GALNT15: variants seen among roughly 807,000 people sequenced by gnomAD.
GALNT15 encodes UDP-GalNAc transferase T15.
GALNT15 carries 67 observed loss-of-function variants against 66.8 expected under a neutral mutation model. The observed-to-expected ratio is 1.00, with a 90% confidence interval of 0.82 to 1.23. The LOEUF is 1.23. Among genes scored for constraint, GALNT15 ranks in the 50% most tolerant of loss-of-function variants. GALNT15 has a pLI of 0.00. For missense variants in GALNT15, 827 were observed against 804.3 expected, an observed-to-expected ratio of 1.03 and a Z score of -0.34; for synonymous variants, 313 against 311.5, an observed-to-expected ratio of 1.00 and a Z score of -0.05.
chr3:16,226,383 A>T (rs974594201), intron 9 of GALNT15, among the ~76,000 whole-genome samples: 1 of 150,844 alleles, frequency 6.6e-6, no homozygotes, highest in Non-Finnish European at 1.5e-5. Flanking sequence ...GACATACCTG[A>T]GACTGGGTAG....
Position 16,203,683 on chromosome 3 carries a change from C to A in GALNT15, c.911+2860C>A, listed in dbSNP as rs948594855. 1.4e-4 allele frequency among the ~76,000 whole-genome samples: 21 copies of A among 152,012 alleles called. No individual in the cohort carries two copies. The highest frequency in any genetic ancestry group is 1.2e-3 in the Admixed American group (18 of 15,254). ...TGACCACATTTTCATCATCTCTACA[C>A]CTCATTCATGGCTTCTTGTCCACTG... On this transcript the variant is annotated intron_variant, in intron 3 of 9. Transcript: ENST00000339732. The surrounding 1 kb of genome is among the most constrained non-coding windows in gnomAD (Gnocchi z 6.2).
At chr3:16,197,839 A>G (rs924263206) in intron 2 of GALNT15, among the ~76,000 whole-genome samples, 1 of 152,080 alleles carries the variant, frequency 6.6e-6, no homozygotes, top group South Asian at 2.1e-4. Flanking sequence ...GCACTATACC[A>G]CTCAGACATG....
Position 16,204,816 on chromosome 3 carries a change from A to T in GALNT15, c.912-3687A>T, listed in dbSNP as rs1400361405. Reference sequence around the variant, plus strand: ...GAAGCAATGTGGGGCAGGGAGAAGAACACCTCCCACTCTGCCCTTTGAAGG... The same window carrying T: ...GAAGCAATGTGGGGCAGGGAGAAGATCACCTCCCACTCTGCCCTTTGAAGG... On this transcript the variant is annotated intron_variant, in intron 3 of 9. Coordinates refer to ENST00000339732, the MANE Select transcript of GALNT15 (RefSeq NM_054110.5). This position sits in a 1 kb window ranked among gnomAD's most constrained non-coding sequence, Gnocchi z 4.5. Among the ~76,000 whole-genome samples, 1 of 152,224 alleles carries T rather than the reference A, an allele frequency of 6.6e-6. No homozygotes were observed. The highest frequency in any genetic ancestry group is 1.5e-5 in the Non-Finnish European group (1 of 68,032).
chr3:16,205,236 A>G (rs1310008907), intron 3 of GALNT15, among the ~76,000 whole-genome samples: 1 of 152,236 alleles, frequency 6.6e-6, no homozygotes, highest in Admixed American at 6.5e-5. Flanking sequence ...AAGAATACGC[A>G]TGAACTTTCA....
At chr3:16,244,648 C>T in the GALNT15 span, among the ~76,000 whole-genome samples, 2 of 152,184 alleles carry the variant, frequency 1.3e-5, no homozygotes, top group African/African-American at 4.8e-5. Flanking sequence ...GCAGCCTCAC[C>T]ATCGGCATGT....
intron 1 of GALNT15, among the ~76,000 whole-genome samples, chr3:16,190,081 C>T (rs567650818): frequency 3.7e-4 from 56 of 152,270 alleles, no homozygotes; most frequent in African/African-American, 1.3e-3. Flanking sequence ...GCAGTTTGGC[C>T]GCTTTCAGGG....
chr3:16,197,201 T>C (rs1417828122), intron 2 of GALNT15, among the ~76,000 whole-genome samples: 2 of 151,840 alleles, frequency 1.3e-5, no homozygotes, highest in Non-Finnish European at 1.5e-5. Flanking sequence ...CCCTCGGGAG[T>C]ACGGAAAGTG....
chr3:16,244,968 C>T, the GALNT15 span, among the ~76,000 whole-genome samples: 1 of 152,130 alleles, frequency 6.6e-6, no homozygotes, highest in African/African-American at 2.4e-5. Context: ...GAGCCCTGTG[C>T]TAAGTGTCTT....
intron 3 of GALNT15, among the ~76,000 whole-genome samples, chr3:16,207,989 C>T (rs1214009443): frequency 6.6e-6 from 1 of 152,114 alleles, no homozygotes; most frequent in Non-Finnish European, 1.5e-5. Context: ...TTACATAGTT[C>T]ATTAGTAGCA....
chr3:16,181,541 C>T lies in GALNT15; in HGVS notation c.539+5851C>T, dbSNP rs192004655. 3.8e-4 allele frequency among the ~76,000 whole-genome samples: 58 copies of T among 152,152 alleles called. No homozygotes were observed. Among genetic ancestry groups the T allele is most frequent in the Non-Finnish European group, 1.0e-4 (7 of 68,006 alleles). On this transcript the variant is annotated intron_variant, in intron 1 of 9. Transcript: ENST00000339732. The surrounding 1 kb of genome is among the most constrained non-coding windows in gnomAD (Gnocchi z 5.9). ...GTAGAAGATGGTGTTGCAATCCACG[C>T]GGGGTCCACTCAGTTCCCTGTGAAG...
Position 16,223,974 on chromosome 3 carries a change from T to C in GALNT15, c.1773+1216T>C, listed in dbSNP as rs566585004. 1.8e-4 allele frequency among the ~76,000 whole-genome samples: 28 copies of C among 152,344 alleles called. No homozygotes were observed. In the East Asian group the frequency reaches 3.1e-3, roughly 17 times the overall value. On this transcript the variant is annotated intron_variant, in intron 9 of 9. Coordinates refer to ENST00000339732, the MANE Select transcript of GALNT15 (RefSeq NM_054110.5). ...TCACAAATTGCCGGGATTACAGTTGTCAGCCACCATGTCTGGCCTCAAAGA... is the reference window on the plus strand; with the variant it reads ...TCACAAATTGCCGGGATTACAGTTGCCAGCCACCATGTCTGGCCTCAAAGA...
rs2064039175 is a variant in GALNT15 at position 16,227,762 on chromosome 3, A to G, written c.*262A>G. On this transcript the variant is annotated 3_prime_UTR_variant, in exon 10 of 10. Transcript: ENST00000339732. This position sits in a 1 kb window ranked among gnomAD's most constrained non-coding sequence, Gnocchi z 4.5. The stretch of plus-strand genomic sequence containing the variant: ...CTGGGAAATGATTATTACATAGTAC[A>G]GAAGATTCTTTGTTTTTCTCCACTG... 1 of 1,251,324 alleles carries G rather than the reference A, an allele frequency of 8.0e-7. No individual in the cohort carries two copies. The highest frequency in any genetic ancestry group is 1.0e-6 in the Non-Finnish European group (1 of 996,870). 77.5% of individuals were successfully genotyped at this position (1,251,324 alleles called of 1,614,324 possible).
At position 16,175,823 on chromosome 3, in the gene GALNT15, G is replaced by A; in HGVS notation, c.539+133G>A. 1 of 793,482 alleles carries A rather than the reference G, an allele frequency of 1.3e-6. No homozygotes were observed. The highest frequency in any genetic ancestry group is 1.7e-5 in the African/African-American group (1 of 57,624). 49.2% of individuals were successfully genotyped at this position (793,482 alleles called of 1,614,324 possible). On this transcript the variant is annotated intron_variant, in intron 1 of 9. Coordinates refer to ENST00000339732, the MANE Select transcript of GALNT15 (RefSeq NM_054110.5). The surrounding 1 kb of genome is among the most constrained non-coding windows in gnomAD (Gnocchi z 5.6). ...GTGCTTTTCAAGATGCAGTACCTGG[G>A]CCAGCAGCGTCAGCAGCCCCTGGGC...
rs989454037 is a variant in GALNT15 at position 16,175,991 on chromosome 3, T to A, written c.539+301T>A. ...CCTAGAAAGCAGAAAGTGAGGACTC[T>A]TGCTTGTTCATTCTCTTCTCCGTCC... On this transcript the variant is annotated intron_variant, in intron 1 of 9. Transcript: ENST00000339732. This position sits in a 1 kb window ranked among gnomAD's most constrained non-coding sequence, Gnocchi z 5.6. Among the ~76,000 whole-genome samples, 1 of 152,228 alleles carries A rather than the reference T, an allele frequency of 6.6e-6. No homozygotes were observed. Among genetic ancestry groups the A allele is most frequent in the Non-Finnish European group, 1.5e-5 (1 of 68,040 alleles).
At position 16,195,828 on chromosome 3, in the gene GALNT15, C is replaced by T; in HGVS notation, c.608C>T (p.Ala203Val). ...ASVILCFHDE[A>V]WSTLLRTVHS... ...GTCATCCTCTGTTTCCATGATGAGGCCTGGTCCACTCTCCTGCGGACTGTA... is the reference window on the plus strand; with the variant it reads ...GTCATCCTCTGTTTCCATGATGAGGTCTGGTCCACTCTCCTGCGGACTGTA... Residue 203 changes from alanine (A) to valine (V), a missense_variant, in exon 2 of 10, where the codon GCC (alanine) becomes GTC (valine). Transcript: ENST00000339732. This position sits in a 1 kb window ranked among gnomAD's most constrained non-coding sequence, Gnocchi z 4.6. 2 of 1,614,064 alleles carry T rather than the reference C, an allele frequency of 1.2e-6. No homozygotes were observed. The highest frequency in any genetic ancestry group is 1.1e-5 in the South Asian group (1 of 91,064).
rs2124847986 is a variant in GALNT15, at chr3:16,187,470, T to C, written c.540-8290T>C. Among the ~76,000 whole-genome samples the C allele has an allele frequency of 6.6e-6, 1 of 152,274 alleles. No individual in the cohort carries two copies. Among genetic ancestry groups the C allele is most frequent in the East Asian group, 1.9e-4 (1 of 5,168 alleles). On this transcript the variant is annotated intron_variant, in intron 1 of 9. Coordinates refer to ENST00000339732, the MANE Select transcript of GALNT15 (RefSeq NM_054110.5). This position sits in a 1 kb window ranked among gnomAD's most constrained non-coding sequence, Gnocchi z 5.1. ...ATGCTGGTCCTCAGCTGGGGCACTT[T>C]AGTTTTTCTTCAAGCAGACTGTAAT... is the stretch of plus-strand genomic sequence containing the variant.
At chr3:16,213,319 G>A (rs1378599344) in intron 6 of GALNT15, among the ~76,000 whole-genome samples, 2 of 151,666 alleles carry the variant, frequency 1.3e-5, no homozygotes, top group East Asian at 1.9e-4. Flanking sequence ...GCCAGGTGTG[G>A]TGGTGGGCGC....
downstream of GALNT15, among the ~76,000 whole-genome samples, chr3:16,232,304 G>A (rs536567869): frequency 1.3e-5 from 2 of 151,280 alleles, no homozygotes; most frequent in Non-Finnish European, 1.5e-5. Flanking sequence ...GTTGGCTCAC[G>A]CCTTTAATCC....
At chr3:16,194,587 C>A (rs2063612599) in intron 1 of GALNT15, among the ~76,000 whole-genome samples, 1 of 152,146 alleles carries the variant, frequency 6.6e-6, no homozygotes. Flanking sequence ...ACCCAAATGC[C>A]CATCAATGAT....
Sources: gnomAD v4.1 joint callset for allele counts (sites outside exome capture counted in the v4.1 genomes callset) on GRCh38, gnomAD v4.1.1 for gene constraint, Gnocchi (gnomAD v3.1) non-coding constraint, MANE v1.5 for transcripts, NCBI Gene and HGNC (gene_info 2026-07-23, HGNC 2026-07-21) for gene names.